EMC9: variants seen among roughly 807,000 people sequenced by gnomAD.
EMC9 encodes the protein UPF0172 protein FAM158A.
In EMC9, 20 loss-of-function variants were observed where a neutral mutation model predicts 25.0. The ratio of observed to expected loss-of-function variants is 0.80; its 90% CI spans 0.56 to 1.16. EMC9 has a LOEUF of 1.16. EMC9 is among the 50% of genes most tolerant of loss of function. The probability of loss-of-function intolerance (pLI) is 0.00; values close to 1 mark genes in which losing one functional copy is unlikely to be tolerated. For missense variants in EMC9, 256 were observed against 268.7 expected (o/e 0.95, Z 0.33); for synonymous variants, 100 against 107.0 (o/e 0.93, Z 0.40).
intron 3 of EMC9, chr14:24,140,304 C>T (rs185423154): frequency 6.5e-6 from 1 of 153,096 alleles, no homozygotes; most frequent in Admixed American, 6.5e-5. Context: ...AGTGGTGGCT[C>T]ACGCCTGTAA....
chr14:24,139,745 C>A lies in EMC9; in HGVS notation c.276-131G>T. ...TTCCCTGTAGGTGGCCTGCGGGGAT[C>A]GGGCCTGCTGGATGCTTGATGCACG... On this transcript the variant is annotated intron_variant, in intron 3 of 5. Transcript: ENST00000216799. This position sits in a 1 kb window ranked among gnomAD's most constrained non-coding sequence, Gnocchi z 4.6. The A allele has an allele frequency of 1.9e-6, 3 of 1,547,048 alleles. No homozygotes were observed. In the Admixed American group the frequency reaches 5.9e-5, roughly 30 times the overall value.
In EMC9 at chr14:24,140,881, CCACT is replaced by C; in HGVS notation, c.275+4_275+7del. 6.2e-7 allele frequency: 1 copy of C among 1,614,184 alleles called. No individual in the cohort carries two copies. The highest frequency in any genetic ancestry group is 8.5e-7 in the Non-Finnish European group (1 of 1,180,024). On this transcript the variant is annotated splice_donor_5th_base_variant and intron_variant, in intron 3 of 5. Transcript: ENST00000216799. ...TCCTTTCCTTCTTCCTCTGGCTACGCCACTCACCTCTGATCGTTCACAGCTGCAT... is the reference window on the plus strand; with the variant it reads ...TCCTTTCCTTCTTCCTCTGGCTACGCCACCTCTGATCGTTCACAGCTGCAT...
Position 24,139,743 on chromosome 14 carries a change from A to G in EMC9, c.276-129T>C. ...CTTTCCCTGTAGGTGGCCTGCGGGG[A>G]TCGGGCCTGCTGGATGCTTGATGCA... On this transcript the variant is annotated intron_variant, in intron 3 of 5. Transcript: ENST00000216799. This position sits in a 1 kb window ranked among gnomAD's most constrained non-coding sequence, Gnocchi z 4.6. 6.5e-7 allele frequency: 1 copy of G among 1,545,308 alleles called. No homozygotes were observed. Among genetic ancestry groups the G allele is most frequent in the Non-Finnish European group, 8.7e-7 (1 of 1,143,144 alleles).
Position 24,139,000 on chromosome 14 carries a change from T to C in EMC9, c.*10A>G. 6.2e-7 allele frequency: 1 copy of C among 1,612,716 alleles called. No individual in the cohort carries two copies. ...TCTCTTTATTGGAACCGGGCCCCGC[T>C]GGCCCTGGCTCAGGCATTTCCATTT... On this transcript the variant is annotated 3_prime_UTR_variant, in exon 6 of 6. Coordinates refer to ENST00000216799, the MANE Select transcript of EMC9 (RefSeq NM_016049.4).
Position 24,139,987 on chromosome 14 carries a change from T to C in EMC9, c.276-373A>G. ...AATAAAACACTGGAAACAACCTCAA[T>C]GTTTAAAGTATTAAATAAATTAGAG... On this transcript the variant is annotated intron_variant, in intron 3 of 5. Coordinates refer to ENST00000216799, the MANE Select transcript of EMC9 (RefSeq NM_016049.4). This position sits in a 1 kb window ranked among gnomAD's most constrained non-coding sequence, Gnocchi z 4.6. The C allele has an allele frequency of 2.6e-6, 1 of 390,854 alleles. No individual in the cohort carries two copies. The highest frequency in any genetic ancestry group is 5.0e-6 in the Non-Finnish European group (1 of 199,136). 24.2% of individuals were successfully genotyped at this position (390,854 alleles called of 1,614,324 possible). A position where few individuals can be genotyped will look rare whatever the true frequency, so the allele number is the denominator to read the frequency against.
At position 24,140,867 on chromosome 14, in the gene EMC9, TTCC is replaced by T. The variant is rs2038040905; in HGVS notation, c.275+19_275+21del. The T allele has an allele frequency of 1.2e-6, 2 of 1,612,938 alleles. No homozygotes were observed. The highest frequency in any genetic ancestry group is 2.2e-5 in the South Asian group (2 of 91,056). ...CCAACCCGCCATAATCCTTTCCTTC[TTCC>T]TCTGGCTACGCCACTCACCTCTGAT... On this transcript the variant is annotated intron_variant, in intron 3 of 5. Transcript: ENST00000216799.
In EMC9 at chr14:24,139,659, A is replaced by C; in HGVS notation, c.276-45T>G. The C allele has an allele frequency of 1.2e-6, 2 of 1,600,162 alleles. No homozygotes were observed. The highest frequency in any genetic ancestry group is 3.5e-5 in the Admixed American group (2 of 57,502). On this transcript the variant is annotated intron_variant, in intron 3 of 5. Transcript: ENST00000216799. This position sits in a 1 kb window ranked among gnomAD's most constrained non-coding sequence, Gnocchi z 4.6. ...GAGGAGTGAGGAGCCAACTGTGGGC[A>C]AAACCCATCCATTTGAGCTGGGCCT...
At chr14:24,140,857 C>A in intron 3 of EMC9, 32 bp downstream of exon 3, 2 of 1,574,960 alleles carry the variant, frequency 1.3e-6, no homozygotes, top group Non-Finnish European at 1.7e-6. Flanking sequence ...CCGCCATAAT[C>A]CTTTCCTTCT....
Position 24,140,008 on chromosome 14 carries a change from T to G in EMC9, c.276-394A>C. 8.0e-6 allele frequency: 3 copies of G among 373,120 alleles called. No homozygotes were observed. The East Asian group carries it at 2.2e-4, about 27-fold the overall frequency. The allele number at this position is 373,120 out of a possible 1,614,324, so 23.1% of individuals were successfully genotyped here. On this transcript the variant is annotated intron_variant, in intron 3 of 5. Transcript: ENST00000216799. ...TCAATGTTTAAAGTATTAAATAAAT[T>G]AGAGTACATTCATATTCAGACTATA...
Position 24,139,607 on chromosome 14 carries a change from G to T in EMC9, c.283C>A (p.Pro95Thr), listed in dbSNP as rs772576971. ...CGCCCAGCAATTTTCAAGGCCAGGG[G>T]CCCAGGGCTGTGTAGAGGGAAGATC... The part of the protein sequence containing the change: ...NAAVNDQSPG[P>T]LALKIAGRIA... Residue 95 changes from proline to threonine, a missense_variant, in exon 4 of 6, where the codon CCC becomes ACC. Pro to Thr is a conservative substitution (Grantham distance 38). Transcript: ENST00000216799. The surrounding 1 kb of genome is among the most constrained non-coding windows in gnomAD (Gnocchi z 4.6). 3 of 1,613,910 alleles carry T rather than the reference G, an allele frequency of 1.9e-6. No homozygotes were observed. In the Admixed American group the frequency reaches 5.0e-5, roughly 27 times the overall value.
chr14:24,139,272 G>A lies in EMC9; in HGVS notation c.441-76C>T. 1 of 1,598,320 alleles carries A rather than the reference G, an allele frequency of 6.3e-7. No homozygotes were observed. The highest frequency in any genetic ancestry group is 8.6e-7 in the Non-Finnish European group (1 of 1,168,370). On this transcript the variant is annotated intron_variant, in intron 5 of 5. Transcript: ENST00000216799. The surrounding 1 kb of genome is among the most constrained non-coding windows in gnomAD (Gnocchi z 4.6). ...ACAGACTTAACAGAGATTGGGTCTAGAGAAAGACCCTTGGGGCAGGGCCAA... is the reference window on the plus strand; with the variant it reads ...ACAGACTTAACAGAGATTGGGTCTAAAGAAAGACCCTTGGGGCAGGGCCAA...
Position 24,141,177 on chromosome 14 carries a change from A to G in EMC9, c.128T>C (p.Leu43Pro). 2 of 1,614,130 alleles carry G rather than the reference A, an allele frequency of 1.2e-6. No homozygotes were observed. The highest frequency in any genetic ancestry group is 2.2e-5 in the East Asian group (1 of 44,888). The change falls in exon 2 of 6, where the codon CTC becomes CCC. Residue 43 changes from leucine (L) to proline (P), a missense_variant. Coordinates refer to ENST00000216799, the MANE Select transcript of EMC9 (RefSeq NM_016049.4). Reference protein sequence around the residue: ...PAPRSGECLCLTDCVPLFHSH... With the variant: ...PAPRSGECLCPTDCVPLFHSH... ...GTGGAAGAGGGGCACACAGTCGGTGAGGCACAGGCATTCTCCAGACCGCGG... is the reference window on the plus strand; with the variant it reads ...GTGGAAGAGGGGCACACAGTCGGTGGGGCACAGGCATTCTCCAGACCGCGG...
intron 3 of EMC9, chr14:24,140,435 A>G (rs987939760): frequency 6.6e-6 from 1 of 151,836 alleles, no homozygotes; most frequent in Non-Finnish European, 1.5e-5. Context: ...AATTAAAAAA[A>G]TAAAAAAAAT....
Position 24,141,522 on chromosome 14 carries a change from A to C in EMC9, c.-97T>G. On this transcript the variant is annotated 5_prime_UTR_variant, in exon 1 of 6. Coordinates refer to ENST00000216799, the MANE Select transcript of EMC9 (RefSeq NM_016049.4). ...GGGTCCCGGAGTCCGCCCCCGGCCC[A>C]GTCCAGGAGGAGGTCCCGATTGCAT... 4.9e-6 allele frequency: 3 copies of C among 612,154 alleles called. No homozygotes were observed. The highest frequency in any genetic ancestry group is 8.7e-6 in the Non-Finnish European group (3 of 346,056). The allele number at this position is 612,154 out of a possible 1,614,324, so 37.9% of individuals were successfully genotyped here.
At chr14:24,140,775 G>T in intron 3 of EMC9, 114 bp downstream of exon 3, 2 of 1,138,086 alleles carry the variant, frequency 1.8e-6, no homozygotes, top group Non-Finnish European at 2.6e-6. Context: ...GAACGACCTT[G>T]GTTCATCTTG....
At position 24,139,545 on chromosome 14, in the gene EMC9, CATA is replaced by C. The variant is rs761082953; in HGVS notation, c.342_344del (p.Ile114del). On this transcript the variant is annotated inframe_deletion and splice_region_variant, in exon 4 of 6. Coordinates refer to ENST00000216799, the MANE Select transcript of EMC9 (RefSeq NM_016049.4). This position sits in a 1 kb window ranked among gnomAD's most constrained non-coding sequence, Gnocchi z 4.6. ...CCCCACCCAGAAACCCAAGCCTCAC[CATA>C]ATAAGTACTGCATCAGGGAAGAATT... 8.1e-6 allele frequency: 13 copies of C among 1,613,518 alleles called. No individual in the cohort carries two copies. The highest frequency in any genetic ancestry group is 5.5e-5 in the South Asian group (5 of 91,024).
chr14:24,140,740 G>A lies in EMC9; in HGVS notation c.275+149C>T, dbSNP rs1045459593. The A allele has an allele frequency of 6.4e-6, 5 of 777,410 alleles. No homozygotes were observed. In the African/African-American group the frequency reaches 8.7e-5, roughly 14 times the overall value. The allele number at this position is 777,410 out of a possible 1,614,324, so 48.2% of individuals were successfully genotyped here. A position where few individuals can be genotyped will look rare whatever the true frequency, so the allele number is the denominator to read the frequency against. On this transcript the variant is annotated intron_variant, in intron 3 of 5. Transcript: ENST00000216799. ...CCTGGTGTAAAGCCCCTGCTCCTAA[G>A]CGTTTGATGAAGGAAAGATAAAAGG... is the stretch of plus-strand genomic sequence containing the variant.
chr14:24,139,036 G>A lies in EMC9; in HGVS notation c.601C>T (p.Pro201Ser), dbSNP rs749634682. The A allele has an allele frequency of 5.6e-6, 9 of 1,613,490 alleles. No homozygotes were observed. Among genetic ancestry groups the A allele is most frequent in the Non-Finnish European group, 7.6e-6 (9 of 1,180,036 alleles). The stretch of plus-strand genomic sequence containing the variant: ...CAGGCATTTCCATTTCCATTAGTGG[G>A]ACCAACCCACTGGGTGATTTGAGTG... Reference protein sequence around the residue: ...LNTQITQWVGPTNGNGNA With the variant: ...LNTQITQWVGSTNGNGNA The change falls in exon 6 of 6, where the codon CCC (proline) becomes TCC (serine). Residue 201 changes from proline to serine, a missense_variant. Pro to Ser is a moderately conservative substitution (Grantham distance 74). Transcript: ENST00000216799. The surrounding 1 kb of genome is among the most constrained non-coding windows in gnomAD (Gnocchi z 4.6).
rs1207050562 is a variant in EMC9 at position 24,139,946 on chromosome 14, A to G, written c.276-332T>C. The G allele has an allele frequency of 6.4e-6, 3 of 466,392 alleles. No homozygotes were observed. The highest frequency in any genetic ancestry group is 2.0e-5 in the African/African-American group (1 of 50,496). The allele number at this position is 466,392 out of a possible 1,614,324, so 28.9% of individuals were successfully genotyped here. A position where few individuals can be genotyped will look rare whatever the true frequency, so the allele number is the denominator to read the frequency against. The stretch of plus-strand genomic sequence containing the variant: ...TACTTATAAAGAATTTATGGTAATC[A>G]TAGGACAGTGTCTGTAATAAAACAC... On this transcript the variant is annotated intron_variant, in intron 3 of 5. Transcript: ENST00000216799. This position sits in a 1 kb window ranked among gnomAD's most constrained non-coding sequence, Gnocchi z 4.6.
Sources: allele counts gnomAD v4.1 joint callset, GRCh38; gene constraint gnomAD v4.1.1; non-coding constraint Gnocchi (gnomAD v3.1); transcripts MANE v1.5; gene names NCBI Gene and HGNC (gene_info 2026-07-23, HGNC 2026-07-21).